TENM2: variants seen among roughly 807,000 people sequenced by gnomAD.
TENM2 encodes the protein teneurin-2.
In TENM2, 52 loss-of-function variants were observed where a neutral mutation model predicts 245.2. That is an observed-to-expected ratio of 0.21 (90% CI 0.17 to 0.27). The LOEUF (loss-of-function observed/expected upper bound fraction) is 0.27, where lower values mean the gene tolerates loss of function less well. TENM2 is among the 10% of genes least tolerant of loss of function. TENM2 has a pLI of 1.00. For synonymous variants in TENM2, 1,363 were observed against 1,438.9 expected (o/e 0.95, Z 1.19); for missense variants, 3,046 against 3,666.8 (o/e 0.83, Z 4.37).
intron 2 of TENM2, among the ~76,000 whole-genome samples, chr5:167,553,408 A>G (rs1167936864): frequency 6.6e-6 from 1 of 152,198 alleles, no homozygotes; most frequent in Non-Finnish European, 1.5e-5. Flanking sequence ...AAGGCCAACT[A>G]TGAATGTATA....
chr5:168,238,334 G>T lies in TENM2; in HGVS notation c.5521-6086G>T, dbSNP rs142284538. Among the ~76,000 whole-genome samples, 7 of 151,208 alleles carry T rather than the reference G, an allele frequency of 4.6e-5. No homozygotes were observed. The East Asian group carries it at 1.4e-3, about 30-fold the overall frequency. On this transcript the variant is annotated intron_variant, in intron 25 of 28. Transcript: ENST00000518659. ...CAGAAGACTGACCCGGAAAGAAAAT[G>T]AAGATGTCCTCTAGGCCAGGCTTTA...
At chr5:167,313,249 T>G (rs72829319) in intron 1 of TENM2, among the ~76,000 whole-genome samples, 2,170 of 152,240 alleles carry the variant, frequency 0.014, 35 homozygotes, top group Non-Finnish European at 0.017. Flanking sequence ...GCATCTATGT[T>G]CTTCAGACCA....
chr5:167,770,996 A>C (rs903311059), intron 2 of TENM2, among the ~76,000 whole-genome samples: 1 of 152,166 alleles, frequency 6.6e-6, no homozygotes, highest in African/African-American at 2.4e-5. Context: ...AAATGTTTCA[A>C]TGCACTCAAG....
chr5:167,379,815 T>C (rs1253578217), intron 2 of TENM2, among the ~76,000 whole-genome samples: 1 of 151,998 alleles, frequency 6.6e-6, no homozygotes, highest in African/African-American at 2.4e-5. Context: ...TTGACTGTGC[T>C]TGATGTTGAT....
chr5:167,992,594 G>GT lies in TENM2; in HGVS notation c.948-343dup, dbSNP rs1207282116. 8.5e-5 allele frequency among the ~76,000 whole-genome samples: 13 copies of GT among 152,152 alleles called. 1 individual carries two copies. In the East Asian group the frequency reaches 1.7e-3, roughly 20 times the overall value. On this transcript the variant is annotated intron_variant, in intron 4 of 28. Coordinates refer to ENST00000518659, the Ensembl canonical transcript of TENM2. Reference sequence around the variant, plus strand: ...CATGTACCATGAACCCAAAATAAAAGTTTTTTTAAAAAATAGTAGGTATCT... The same window carrying GT: ...CATGTACCATGAACCCAAAATAAAAGTTTTTTTTAAAAAATAGTAGGTATCT...
intron 2 of TENM2, among the ~76,000 whole-genome samples, chr5:167,470,534 A>G (rs1321385766): frequency 1.2e-5 from 1 of 85,436 alleles, no homozygotes. Flanking sequence ...TCTGGCTTTT[A>G]TTTTTGCTTT....
intron 2 of TENM2, among the ~76,000 whole-genome samples, chr5:167,543,334 A>T (rs1010195527): frequency 6.6e-6 from 1 of 152,180 alleles, no homozygotes; most frequent in African/African-American, 2.4e-5. Context: ...TGGTCAAAGC[A>T]AATCACAAGG....
At chr5:166,980,018 T>C in the TENM2 span, among the ~76,000 whole-genome samples, 4 of 152,214 alleles carry the variant, frequency 2.6e-5, no homozygotes, top group African/African-American at 9.6e-5. Flanking sequence ...GGCTAAAATA[T>C]TCAAAATTGC....
chr5:168,134,440 C>G (rs764900048), intron 12 of TENM2, among the ~76,000 whole-genome samples: 12 of 152,102 alleles, frequency 7.9e-5, no homozygotes, highest in African/African-American at 2.7e-4. Flanking sequence ...AATCCCAGCA[C>G]TTTGGGAGGC....
the TENM2 span, among the ~76,000 whole-genome samples, chr5:167,209,932 CT>C: frequency 6.6e-6 from 1 of 152,166 alleles, no homozygotes; most frequent in African/African-American, 2.4e-5. Flanking sequence ...ATACAATTAA[CT>C]TTTTCCTTGG....
Position 167,861,263 on chromosome 5 carries a change from G to C in TENM2, c.503-14723G>C, listed in dbSNP as rs531033938. 3.5e-4 allele frequency among the ~76,000 whole-genome samples: 54 copies of C among 152,236 alleles called. No individual in the cohort carries two copies. The South Asian group carries it at 6.4e-3, about 18-fold the overall frequency. On this transcript the variant is annotated intron_variant, in intron 2 of 28. Transcript: ENST00000518659. ...GGGCAAAGGCCTCTCAGGGTTGTAG[G>C]GGGTGGAAGGAGAAAGAACCAACCA...
Position 167,315,826 on chromosome 5 carries a change from A to G in TENM2, c.226+30763A>G, listed in dbSNP as rs576210901. The stretch of plus-strand genomic sequence containing the variant: ...CTATAGAATGCAAGCAGTGGGGGTA[A>G]ACAAATGCTGTTTACATTTCCCATC... On this transcript the variant is annotated intron_variant, in intron 1 of 28. Transcript: ENST00000518659. Among the ~76,000 whole-genome samples the G allele has an allele frequency of 4.6e-5, 7 of 152,252 alleles. No homozygotes were observed. The South Asian group carries it at 1.5e-3, about 32-fold the overall frequency.
At chr5:167,868,736 TAAAAAAA>T (rs11345222) in intron 2 of TENM2, among the ~76,000 whole-genome samples, 1 of 123,470 alleles carries the variant, frequency 8.1e-6, no homozygotes, top group South Asian at 2.9e-4. Context: ...AGATTCTGTC[TAAAAAAA>T]AAAAAAAAAA....
chr5:167,699,194 T>C (rs1218924354), intron 2 of TENM2, among the ~76,000 whole-genome samples: 1 of 151,898 alleles, frequency 6.6e-6, no homozygotes, highest in Non-Finnish European at 1.5e-5. Flanking sequence ...AAAACAGAGA[T>C]AAAGAGTATG....
At chr5:167,164,252 G>T in the TENM2 span, among the ~76,000 whole-genome samples, 1 of 152,150 alleles carries the variant, frequency 6.6e-6, no homozygotes, top group Non-Finnish European at 1.5e-5. Flanking sequence ...AGTAGTAGGT[G>T]AGCTGCTTTA....
At chr5:167,334,994 T>C (rs982154088) in intron 1 of TENM2, among the ~76,000 whole-genome samples, 20 of 152,250 alleles carry the variant, frequency 1.3e-4, no homozygotes, top group Middle Eastern at 3.2e-3. Context: ...AGGGCTTGAC[T>C]ATTTTATTAA....
the TENM2 span, among the ~76,000 whole-genome samples, chr5:167,232,747 G>GA: frequency 0.21 from 31,664 of 151,960 alleles, 3,873 homozygotes; most frequent in African/African-American, 0.34. Flanking sequence ...AATACAAACA[G>GA]AAAAAAATAA....
chr5:167,017,873 G>A, the TENM2 span, among the ~76,000 whole-genome samples: 5 of 152,124 alleles, frequency 3.3e-5, no homozygotes, highest in African/African-American at 7.2e-5. Flanking sequence ...CATTACCGTT[G>A]TCACGGACAT....
chr5:167,230,709 C>T, the TENM2 span, among the ~76,000 whole-genome samples: 1 of 151,930 alleles, frequency 6.6e-6, no homozygotes, highest in African/African-American at 2.4e-5. Context: ...AATGTTGATA[C>T]AAAGCCAGGA....
Sources: gnomAD v4.1 joint callset for allele counts (sites outside exome capture counted in the v4.1 genomes callset) on GRCh38, gnomAD v4.1.1 for gene constraint, MANE v1.5 for transcripts, NCBI Gene and HGNC (gene_info 2026-07-23, HGNC 2026-07-21) for gene names.